MED24: variants seen among roughly 807,000 people sequenced by gnomAD.
MED24 encodes the protein mediator complex subunit 24.
MED24 carries 74 observed loss-of-function variants against 118.8 expected under a neutral mutation model. The ratio of observed to expected loss-of-function variants is 0.62; its 90% confidence interval spans 0.52 to 0.76. The LOEUF is 0.76. Among genes scored for constraint, MED24 ranks in the 30% least tolerant of loss-of-function variants. MED24 has a pLI of 0.00. For missense variants in MED24, 1,041 were observed against 1,278.9 expected (o/e 0.81, Z 2.84); for synonymous variants, 521 against 523.9 (o/e 0.99, Z 0.08).
In MED24 at chr17:40,025,465, AC is replaced by A. The variant is rs1181598132; in HGVS notation, c.1985+690del. Among the ~76,000 whole-genome samples, 3 of 152,312 alleles carry A rather than the reference AC, an allele frequency of 2.0e-5. No homozygotes were observed. The East Asian group carries it at 5.8e-4, about 29-fold the overall frequency. On this transcript the variant is annotated intron_variant, in intron 19 of 25. Coordinates refer to ENST00000394128, the MANE Select transcript of MED24 (RefSeq NM_014815.4). ...AGACCTTGTCTCAACAACAACAACA[AC>A]AAAAAGTATAAAGTAGTCAAATTCC...
chr17:40,020,449 A>T, intron 23 of MED24, 96 bp from the exon 24 acceptor site: 2 of 1,546,454 alleles, frequency 1.3e-6, no homozygotes, highest in Non-Finnish European at 1.7e-6. Flanking sequence ...CACCCATCGG[A>T]GGTAACTGGT....
In MED24 at chr17:40,031,168, A is replaced by T; in HGVS notation, c.1145T>A (p.Met382Lys). 2 of 1,566,286 alleles carry T rather than the reference A, an allele frequency of 1.3e-6. No individual in the cohort carries two copies. Among genetic ancestry groups the T allele is most frequent in the Non-Finnish European group, 1.7e-6 (2 of 1,154,298 alleles). ...GTGCGTTCACACTTACCGCTTAGCC[A>T]TAAGGTTGTTGACGCTGGCCTCAGA... Reference protein sequence around the residue: ...LLSEASVNNLMAKRKADREHA... With the variant: ...LLSEASVNNLKAKRKADREHA... Residue 382 changes from methionine to lysine, a missense_variant, in exon 12 of 26, where the codon ATG (methionine) becomes AAG (lysine). Coordinates refer to ENST00000394128, the MANE Select transcript of MED24 (RefSeq NM_014815.4).
At position 40,033,214 on chromosome 17, in the gene MED24, G is replaced by A; in HGVS notation, c.672-8C>T. ...GACAGCATCGTGGGGATGCTGAGGGGTCACAAACACAGGGGACGGTGTTTG... is the reference window on the plus strand; with the variant it reads ...GACAGCATCGTGGGGATGCTGAGGGATCACAAACACAGGGGACGGTGTTTG... On this transcript the variant is annotated splice_polypyrimidine_tract_variant and splice_region_variant and intron_variant, in intron 7 of 25. Transcript: ENST00000394128. This position sits in a 1 kb window ranked among gnomAD's most constrained non-coding sequence, Gnocchi z 5.2. The A allele has an allele frequency of 6.2e-7, 1 of 1,613,762 alleles. No individual in the cohort carries two copies. The highest frequency in any genetic ancestry group is 8.5e-7 in the Non-Finnish European group (1 of 1,180,030).
At chr17:40,026,455 T>C (rs1386121600) in intron 18 of MED24, 124 bp from the exon 19 acceptor site, 4 of 1,280,834 alleles carry the variant, frequency 3.1e-6, no homozygotes, top group Non-Finnish European at 4.3e-6. Context: ...TCCACACCTC[T>C]CTCCACAAGT....
chr17:40,032,165 C>A, intron 9 of MED24, 75 bp from the exon 10 acceptor site: 1 of 1,523,148 alleles, frequency 6.6e-7, no homozygotes, highest in Non-Finnish European at 9.1e-7. Flanking sequence ...AGGCATCCCC[C>A]CGAACCCCTG....
chr17:40,034,970 A>G (rs761082889), intron 6 of MED24, 147 bp downstream of exon 6: 5 of 1,598,268 alleles, frequency 3.1e-6, no homozygotes, highest in Non-Finnish European at 4.3e-6. Context: ...GATGTGTGCA[A>G]TGCTTATGGG....
intron 4 of MED24, 25 bp from the exon 5 acceptor site, chr17:40,035,820 T>C (rs771445383): frequency 6.2e-7 from 1 of 1,605,324 alleles, no homozygotes; most frequent in South Asian, 1.1e-5. Flanking sequence ...GTGGAGATGC[T>C]ACGGAATGCC....
chr17:40,053,685 G>A (rs774592220), intron 1 of MED24, 50 bp from the exon 2 acceptor site: 38 of 1,603,412 alleles, frequency 2.4e-5, no homozygotes, highest in Non-Finnish European at 3.0e-5. Flanking sequence ...AGGTTCTAAG[G>A]AGAACCGGGG....
In MED24 at chr17:40,032,703, A is replaced by T; in HGVS notation, c.882T>A (p.Ile294=). The change falls in exon 9 of 26, where the codon ATT becomes ATA. Residue 294 remains isoleucine (I), a synonymous_variant. Coordinates refer to ENST00000394128, the MANE Select transcript of MED24 (RefSeq NM_014815.4). ...EIWKACFVGL[I]ESPEGTEELK... ...GCTCCTCCGTACCCTCGGGAGACTC[A>T]ATGAGCCCCACGAAGCAAGCTTTCC... 6.2e-7 allele frequency: 1 copy of T among 1,613,882 alleles called. No homozygotes were observed. The highest frequency in any genetic ancestry group is 8.5e-7 in the Non-Finnish European group (1 of 1,179,948).
At chr17:40,027,063 G>T (rs746542900) in intron 16 of MED24, 29 bp from the exon 17 acceptor site, 1 of 1,611,106 alleles carries the variant, frequency 6.2e-7, no homozygotes, top group South Asian at 1.1e-5. Context: ...GGCACCAGCC[G>T]AGTGGGGAGG....
At position 40,022,441 on chromosome 17, in the gene MED24, C is replaced by T. The variant is rs1045277401; in HGVS notation, c.2476G>A (p.Gly826Arg). The T allele has an allele frequency of 6.2e-7, 1 of 1,610,842 alleles. No homozygotes were observed. The highest frequency in any genetic ancestry group is 1.7e-5 in the Admixed American group (1 of 59,402). Reference sequence around the variant, plus strand: ...TTCTTCTGGCGGGTGGACGCCTGTCCCTTGTGGGAGGAGTAGGAACTGAGG... The same window carrying T: ...TTCTTCTGGCGGGTGGACGCCTGTCTCTTGTGGGAGGAGTAGGAACTGAGG... Reference protein sequence around the residue: ...CALSSYSSHKGQASTRQKKRH... With the variant: ...CALSSYSSHKRQASTRQKKRH... The change falls in exon 22 of 26, where the codon GGA (glycine) becomes AGA (arginine). Residue 826 changes from glycine (G) to arginine (R), a missense_variant. Gly to Arg is a moderately radical substitution (Grantham distance 125). Around this residue, in one of 3 missense-constraint regions of MED24, gnomAD observed 587 missense variants for 694.4 expected, o/e 0.85. Transcript: ENST00000394128.
At chr17:40,028,690 C>T in intron 14 of MED24, 136 bp downstream of exon 14, 2 of 1,258,532 alleles carry the variant, frequency 1.6e-6, no homozygotes, top group Non-Finnish European at 2.2e-6. Context: ...CCAAGATCTC[C>T]AGCCAGGATG....
chr17:40,053,190 C>A, intron 3 of MED24, 108 bp downstream of exon 3: 1 of 1,077,014 alleles, frequency 9.3e-7, no homozygotes, highest in South Asian at 1.6e-5. Context: ...CTGCCTCAGC[C>A]TCCCACAATG....
intron 3 of MED24, among the ~76,000 whole-genome samples, chr17:40,041,630 C>G (rs551060979): frequency 2.0e-4 from 30 of 152,298 alleles, no homozygotes; most frequent in African/African-American, 7.2e-4. Flanking sequence ...TCACCCACAT[C>G]CCAACCCTAC....
At chr17:40,036,953 G>A (rs1042718263) in intron 3 of MED24, among the ~76,000 whole-genome samples, 2 of 152,154 alleles carry the variant, frequency 1.3e-5, no homozygotes, top group African/African-American at 4.8e-5. Flanking sequence ...GGAGGCTGAG[G>A]CAGGATTACC....
chr17:40,033,360 C>A lies in MED24; in HGVS notation c.656G>T (p.Gly219Val). ...PQLRSQAEQC[G>V]TLIRSIPTML... ...GAGCCGGTACCTCCTAATGAGGGTG[C>A]CACACTGCTCGGCCTGACTCCGGAG... The change falls in exon 7 of 26, where the codon GGC becomes GTC. Residue 219 changes from glycine to valine, a missense_variant. By Grantham distance (109) the Gly-to-Val change is moderately radical. This residue lies in a region of MED24 where 434 missense variants were observed against 514.9 expected (regional missense o/e 0.84). Transcript: ENST00000394128. This position sits in a 1 kb window ranked among gnomAD's most constrained non-coding sequence, Gnocchi z 5.2. The A allele has an allele frequency of 1.2e-6, 2 of 1,612,904 alleles. No homozygotes were observed. Among genetic ancestry groups the A allele is most frequent in the Non-Finnish European group, 1.7e-6 (2 of 1,179,534 alleles).
intron 3 of MED24, among the ~76,000 whole-genome samples, 194 bp downstream of exon 3, chr17:40,053,102 CTT>C (rs890089274): frequency 3.3e-5 from 5 of 151,870 alleles, no homozygotes; most frequent in African/African-American, 2.4e-5. Flanking sequence ...AGGGGTAACT[CTT>C]TGTATTTTTG....
chr17:40,044,601 G>A (rs1312280191), intron 3 of MED24, among the ~76,000 whole-genome samples: 2 of 151,950 alleles, frequency 1.3e-5, no homozygotes, highest in Non-Finnish European at 2.9e-5. Context: ...AAAGATTCTG[G>A]CCAGGCGCGG....
chr17:40,052,605 T>G (rs1313149204), intron 3 of MED24, among the ~76,000 whole-genome samples: 2 of 151,536 alleles, frequency 1.3e-5, no homozygotes, highest in African/African-American at 4.8e-5. Flanking sequence ...TTCTTTTGCT[T>G]GTTGTTGTTT....
Sources: gnomAD v4.1 joint callset for allele counts (sites outside exome capture counted in the v4.1 genomes callset) on GRCh38, gnomAD v4.1.1 for gene constraint, gnomAD v4.1.1 regional missense constraint, Gnocchi (gnomAD v3.1) non-coding constraint, MANE v1.5 for transcripts, NCBI Gene and HGNC (gene_info 2026-07-23, HGNC 2026-07-21) for gene names.